The following CDH13 variants were observed in gnomAD, a reference collection of about 807,000 sequenced individuals.
CDH13 encodes cadherin 13, also known as cadherin-13.
CDH13 carries 24 observed loss-of-function variants against 63.8 expected under a neutral mutation model. That is an observed-to-expected ratio of 0.38 (90% CI 0.27 to 0.53). The LOEUF is 0.53. Among genes scored for constraint, CDH13 ranks in the 20% least tolerant of loss-of-function variants. The probability of loss-of-function intolerance (pLI) is 0.85; values close to 1 mark genes in which losing one functional copy is unlikely to be tolerated. For missense variants in CDH13, 1,049 were observed against 903.1 expected, an observed-to-expected ratio of 1.16 and a Z score of -2.07; for synonymous variants, 503 against 355.3, an observed-to-expected ratio of 1.42 and a Z score of -4.67.
chr16:83,658,840 C>T (rs1275178467), intron 8 of CDH13, among the ~76,000 whole-genome samples: 1 of 142,342 alleles, frequency 7.0e-6, no homozygotes, highest in Non-Finnish European at 1.5e-5. Flanking sequence ...ATGTCCTCAC[C>T]ACCAGGTCCC....
intron 4 of CDH13, among the ~76,000 whole-genome samples, chr16:83,146,162 C>G (rs2036738594): frequency 7.1e-6 from 1 of 139,970 alleles, no homozygotes; most frequent in Admixed American, 7.2e-5. Context: ...CCACTGCACT[C>G]CAGCCTGGGC....
intron 10 of CDH13, among the ~76,000 whole-genome samples, chr16:83,680,325 A>G (rs1412257877): frequency 2.0e-5 from 3 of 152,166 alleles, no homozygotes; most frequent in African/African-American, 4.8e-5. Flanking sequence ...CTAGTGATCA[A>G]CCGGGATGAT....
chr16:82,702,555 A>T (rs773918675), intron 1 of CDH13, among the ~76,000 whole-genome samples: 1 of 152,222 alleles, frequency 6.6e-6, no homozygotes, highest in African/African-American at 2.4e-5. Context: ...TTCCCATCAG[A>T]TGAACAATTT....
At chr16:82,956,168 A>G (rs1283572419) in intron 2 of CDH13, among the ~76,000 whole-genome samples, 1 of 151,168 alleles carries the variant, frequency 6.6e-6, no homozygotes, top group Non-Finnish European at 1.5e-5. Flanking sequence ...TGCCAAAACC[A>G]CAAACATGGG....
chr16:83,529,301 G>A (rs190345994), intron 7 of CDH13, among the ~76,000 whole-genome samples: 2 of 152,010 alleles, frequency 1.3e-5, no homozygotes, highest in African/African-American at 2.4e-5. Flanking sequence ...TTATTAACAG[G>A]CTTTGTCTTT....
At chr16:82,819,888 A>C (rs2037919089) in intron 1 of CDH13, among the ~76,000 whole-genome samples, 1 of 152,194 alleles carries the variant, frequency 6.6e-6, no homozygotes, top group African/African-American at 2.4e-5. Context: ...TGATATATGC[A>C]ATGGGAATAG....
Position 82,889,830 on chromosome 16 carries a change from C to T in CDH13, c.157+31357C>T, listed in dbSNP as rs1342200303. Among the ~76,000 whole-genome samples, 4 of 152,166 alleles carry T rather than the reference C, an allele frequency of 2.6e-5. No homozygotes were observed. In the East Asian group the frequency reaches 7.7e-4, roughly 29 times the overall value. ...AAGAAAACAACTAAAATACGTAAGTCTAAAGGGCATGGTTGATTTAGGATT... is the reference window on the plus strand; with the variant it reads ...AAGAAAACAACTAAAATACGTAAGTTTAAAGGGCATGGTTGATTTAGGATT... On this transcript the variant is annotated intron_variant, in intron 2 of 13. Transcript: ENST00000567109.
intron 3 of CDH13, among the ~76,000 whole-genome samples, chr16:83,109,961 T>G (rs1803828551): frequency 6.6e-6 from 1 of 152,366 alleles, no homozygotes; most frequent in Non-Finnish European, 1.5e-5. Flanking sequence ...CAGAGGCAAT[T>G]GCATCTTGGA....
At chr16:83,077,294 C>T (rs751921557) in intron 3 of CDH13, among the ~76,000 whole-genome samples, 10 of 139,234 alleles carry the variant, frequency 7.2e-5, no homozygotes, top group Non-Finnish European at 1.1e-4. Context: ...TGAGTTCGAG[C>T]GATTCTTGTG....
At position 83,233,275 on chromosome 16, in the gene CDH13, A is replaced by G. The variant is rs569061149; in HGVS notation, c.636+15778A>G. Among the ~76,000 whole-genome samples, 29 of 152,292 alleles carry G rather than the reference A, an allele frequency of 1.9e-4. No individual in the cohort carries two copies. In the South Asian group the frequency reaches 6.0e-3, roughly 32 times the overall value. On this transcript the variant is annotated intron_variant, in intron 5 of 13. Transcript: ENST00000567109. ...TGTTTTGCCCACAGGCTATGCGTGA[A>G]GCCGACCCTTACCCTCTCACCCAGT...
chr16:83,146,988 T>G (rs1489823144), intron 4 of CDH13, among the ~76,000 whole-genome samples: 2 of 152,110 alleles, frequency 1.3e-5, no homozygotes, highest in Non-Finnish European at 2.9e-5. Context: ...CCCAGCAGGC[T>G]GAGGCAGGAA....
At chr16:83,161,634 C>T (rs1395240695) in intron 4 of CDH13, among the ~76,000 whole-genome samples, 1 of 152,076 alleles carries the variant, frequency 6.6e-6, no homozygotes, top group East Asian at 1.9e-4. Flanking sequence ...CCAACATTTC[C>T]CTCCCCCGCC....
intron 2 of CDH13, among the ~76,000 whole-genome samples, chr16:82,995,364 A>C (rs1378365341): frequency 6.6e-6 from 1 of 152,182 alleles, no homozygotes; most frequent in East Asian, 1.9e-4. Context: ...CTAAGACATG[A>C]GTGAGCGTGA....
intron 7 of CDH13, among the ~76,000 whole-genome samples, chr16:83,510,269 C>T (rs978478848): frequency 5.1e-4 from 77 of 151,874 alleles, no homozygotes; most frequent in African/African-American, 1.5e-3. Flanking sequence ...TTTTGCTCTC[C>T]GAGATGGAGA....
chr16:83,256,614 G>C (rs952545104), intron 5 of CDH13, among the ~76,000 whole-genome samples: 3 of 149,088 alleles, frequency 2.0e-5, no homozygotes, highest in Non-Finnish European at 4.4e-5. Flanking sequence ...GGCGAATCAC[G>C]AGGTCAGGAG....
intron 7 of CDH13, among the ~76,000 whole-genome samples, chr16:83,595,773 A>T (rs1467228330): frequency 6.6e-6 from 1 of 152,192 alleles, no homozygotes; most frequent in East Asian, 1.9e-4. Context: ...GTCTAGCCCT[A>T]TGCCCCTGGA....
At chr16:82,829,350 T>A (rs2038417528) in intron 1 of CDH13, 1 of 152,186 alleles carries the variant, frequency 6.6e-6, no homozygotes, top group Non-Finnish European at 1.5e-5. Flanking sequence ...AATACACAGT[T>A]TGGGAGCCCT....
chr16:83,123,178 G>A (rs1004150621), intron 3 of CDH13, among the ~76,000 whole-genome samples: 5 of 151,504 alleles, frequency 3.3e-5, no homozygotes, highest in African/African-American at 1.2e-4. Context: ...GTGTATATAT[G>A]TTTTTGTGTG....
At chr16:82,723,641 C>T (rs2032919156) in intron 1 of CDH13, among the ~76,000 whole-genome samples, 1 of 152,196 alleles carries the variant, frequency 6.6e-6, no homozygotes, top group South Asian at 2.1e-4. Flanking sequence ...AGTTGTCAAT[C>T]ATCCAAACTC....
Sources: gnomAD v4.1 joint callset for allele counts (sites outside exome capture counted in the v4.1 genomes callset) on GRCh38, gnomAD v4.1.1 for gene constraint, MANE v1.5 for transcripts, NCBI Gene and HGNC (gene_info 2026-07-23, HGNC 2026-07-21) for gene names.